Variants in M1AP observed in about 807,000 individuals in gnomAD.
The protein encoded by M1AP is meiosis 1 arrest protein.
Under a neutral mutation model 51.2 loss-of-function variants are expected in M1AP, and 39 were observed. The ratio of observed to expected loss-of-function variants is 0.76; its 90% CI spans 0.59 to 1.00. The LOEUF is 1.00. M1AP is among the 50% of genes least tolerant of loss of function. M1AP has a pLI of 0.00. For synonymous variants in M1AP, 251 were observed against 249.2 expected (o/e 1.01, Z -0.07); for missense variants, 545 against 641.2 (o/e 0.85, Z 1.62).
intron 7 of M1AP, among the ~76,000 whole-genome samples, chr2:74,565,051 T>A (rs1678283914): frequency 6.6e-6 from 1 of 151,932 alleles, no homozygotes; most frequent in African/African-American, 2.4e-5. Flanking sequence ...TGAAACCCGG[T>A]CTCTAATAAA....
intron 4 of M1AP, among the ~76,000 whole-genome samples, chr2:74,598,155 A>C (rs1224634620): frequency 2.0e-5 from 3 of 152,070 alleles, no homozygotes; most frequent in Non-Finnish European, 2.9e-5. Context: ...GCCAAGGTGG[A>C]CAGATCACTT....
intron 3 of M1AP, among the ~76,000 whole-genome samples, chr2:74,614,644 G>A (rs1487582502): frequency 6.6e-6 from 1 of 152,206 alleles, no homozygotes; most frequent in Admixed American, 6.5e-5. Context: ...AATGTAGGCA[G>A]TTTAACATTT....
chr2:74,629,941 T>G (rs1007506980), intron 2 of M1AP, among the ~76,000 whole-genome samples: 3 of 127,362 alleles, frequency 2.4e-5, no homozygotes, highest in African/African-American at 1.0e-4. Context: ...GATTCACAAC[T>G]TTTTTTTTTT....
At chr2:74,611,410 T>C (rs1017649963) in intron 3 of M1AP, among the ~76,000 whole-genome samples, 14 of 152,224 alleles carry the variant, frequency 9.2e-5, no homozygotes, top group Non-Finnish European at 1.2e-4. Context: ...CTTAGCAGAT[T>C]GTGTATATAC....
chr2:74,624,387 C>T (rs1017681095), intron 2 of M1AP, among the ~76,000 whole-genome samples: 1 of 152,216 alleles, frequency 6.6e-6, no homozygotes, highest in Admixed American at 6.5e-5. Context: ...ACAAAATCTT[C>T]AAGAATTCTA....
chr2:74,638,802 T>C (rs1045430430), intron 2 of M1AP, among the ~76,000 whole-genome samples: 1 of 152,234 alleles, frequency 6.6e-6, no homozygotes, highest in Non-Finnish European at 1.5e-5. Context: ...CCTAAGCCAC[T>C]TATGAATTCC....
At chr2:74,621,394 G>C (rs1055051144) in intron 2 of M1AP, among the ~76,000 whole-genome samples, 1 of 152,174 alleles carries the variant, frequency 6.6e-6, no homozygotes, top group African/African-American at 2.4e-5. Context: ...AAATATGGCA[G>C]CCACTGGCCG....
intron 5 of M1AP, among the ~76,000 whole-genome samples, chr2:74,578,295 A>G (rs1679202243): frequency 6.6e-6 from 1 of 152,216 alleles, no homozygotes; most frequent in Non-Finnish European, 1.5e-5. Flanking sequence ...TTTGGGGTGC[A>G]TGTGCACAAT....
Position 74,640,269 on chromosome 2 carries a change from G to A in M1AP, c.7C>T (p.Pro3Ser), listed in dbSNP as rs779685606. Reference protein sequence around the residue: MHPGRTTGKGPST... With the variant: MHSGRTTGKGPST... ...GGCCCTTTACCAGTAGTTCGCCCAG[G>A]ATGCATGGCAGCAAAACCAGAGGGG... The change falls in exon 2 of 11, where the codon CCT becomes TCT. Residue 3 changes from proline (P) to serine (S), a missense_variant. Coordinates refer to ENST00000421985, the MANE Select transcript of M1AP (RefSeq NM_001321739.2). The A allele has an allele frequency of 1.2e-6, 2 of 1,614,026 alleles. No individual in the cohort carries two copies. The highest frequency in any genetic ancestry group is 2.2e-5 in the South Asian group (2 of 91,068).
chr2:74,597,381 C>G (rs1296653999), intron 4 of M1AP, among the ~76,000 whole-genome samples: 1 of 152,134 alleles, frequency 6.6e-6, no homozygotes, highest in Admixed American at 6.5e-5. Flanking sequence ...ACACAATGAA[C>G]AGCTGTGTTT....
At chr2:74,606,184 G>C (rs1680984976) in intron 4 of M1AP, among the ~76,000 whole-genome samples, 1 of 152,192 alleles carries the variant, frequency 6.6e-6, no homozygotes, top group Middle Eastern at 3.2e-3. Context: ...AAAACTCCTG[G>C]TGTATGCTCC....
intron 8 of M1AP, among the ~76,000 whole-genome samples, chr2:74,560,677 C>T (rs1677862305): frequency 6.6e-6 from 1 of 152,164 alleles, no homozygotes; most frequent in Admixed American, 6.5e-5. Flanking sequence ...AAGGCGAGTA[C>T]ATGGAGTTCT....
chr2:74,642,333 A>G (rs544629992), intron 1 of M1AP, among the ~76,000 whole-genome samples: 2 of 152,354 alleles, frequency 1.3e-5, no homozygotes, highest in East Asian at 3.9e-4. Context: ...TTGATATAAC[A>G]TTAGAATATC....
At chr2:74,584,996 C>T (rs896659307) in intron 4 of M1AP, among the ~76,000 whole-genome samples, 6 of 151,800 alleles carry the variant, frequency 4.0e-5, no homozygotes, top group Non-Finnish European at 8.8e-5. Context: ...GTGTGAGCCA[C>T]CACACCTGGC....
At chr2:74,646,955 C>CA (rs1683648448) in intron 1 of M1AP, among the ~76,000 whole-genome samples, 1 of 152,144 alleles carries the variant, frequency 6.6e-6, no homozygotes, top group African/African-American at 2.4e-5. Context: ...CCTCAAACAT[C>CA]ATCAATTCAT....
chr2:74,605,648 C>T (rs1438113037), intron 4 of M1AP, among the ~76,000 whole-genome samples: 1 of 152,110 alleles, frequency 6.6e-6, no homozygotes, highest in Non-Finnish European at 1.5e-5. Flanking sequence ...CACCTGTAAT[C>T]CCAGCACTTT....
intron 8 of M1AP, among the ~76,000 whole-genome samples, chr2:74,561,232 AAGGAGGAGGAGGAGG>A (rs374729127): frequency 2.9e-5 from 1 of 34,230 alleles, no homozygotes; most frequent in African/African-American, 8.8e-5. Context: ...GGAGGAGGAG[AAGGAGGAGGAGGAGG>A]AGGAGGAGGA....
intron 3 of M1AP, among the ~76,000 whole-genome samples, chr2:74,610,306 G>T (rs1454568804): frequency 6.6e-6 from 1 of 152,018 alleles, no homozygotes; most frequent in Non-Finnish European, 1.5e-5. Context: ...ACTGCACCTG[G>T]CCCACTTCAA....
At chr2:74,605,233 A>G (rs1262092294) in intron 4 of M1AP, among the ~76,000 whole-genome samples, 2 of 152,180 alleles carry the variant, frequency 1.3e-5, no homozygotes, top group Non-Finnish European at 2.9e-5. Context: ...TATTTCTAGG[A>G]ATTTATTCCA....
Sources: allele counts gnomAD v4.1 joint callset (sites outside exome capture counted in the v4.1 genomes callset), GRCh38; gene constraint gnomAD v4.1.1; transcripts MANE v1.5; gene names NCBI Gene and HGNC (gene_info 2026-07-23, HGNC 2026-07-21).